The following DEPTOR variants were observed in gnomAD, a reference collection of about 807,000 sequenced individuals.
DEPTOR encodes the protein DEP domain-containing mTOR-interacting protein.
In DEPTOR, 41 loss-of-function variants were observed where a neutral mutation model predicts 41.6. The ratio of observed to expected loss-of-function variants is 0.98; its 90% CI spans 0.77 to 1.28. The LOEUF is 1.28. Among genes scored for constraint, DEPTOR ranks in the 50% most tolerant of loss-of-function variants. The pLI is 0.00. For missense variants in DEPTOR, 514 were observed against 527.9 expected (o/e 0.97, Z 0.26); for synonymous variants, 195 against 192.3 (o/e 1.01, Z -0.12).
At chr8:119,942,923 C>T (rs1828222287) in intron 3 of DEPTOR, among the ~76,000 whole-genome samples, 1 of 152,206 alleles carries the variant, frequency 6.6e-6, no homozygotes, top group Non-Finnish European at 1.5e-5. Flanking sequence ...AAATGCAATG[C>T]ATGTAGTCTA....
In DEPTOR at chr8:120,018,852, G is replaced by T. The variant is rs74721525; in HGVS notation, c.1101+9719G>T. Among the ~76,000 whole-genome samples the T allele has an allele frequency of 6.4e-4, 98 of 152,268 alleles. 1 individual carries two copies. Among genetic ancestry groups the T allele is most frequent in the Admixed American group, 2.0e-3 (31 of 15,294 alleles). ...CTGCTCTGTGTCCTTCCTTTGCAGG[G>T]ATTCTTCTGTGCCAGGCTCTGATGC... On this transcript the variant is annotated intron_variant, in intron 8 of 8. Transcript: ENST00000286234.
intron 1 of DEPTOR, among the ~76,000 whole-genome samples, chr8:119,925,112 G>A (rs1268459054): frequency 6.6e-6 from 1 of 152,176 alleles, no homozygotes. Context: ...CATCAAGGCT[G>A]AGTGTGGTGG....
intron 8 of DEPTOR, among the ~76,000 whole-genome samples, chr8:120,046,720 G>T (rs1431361289): frequency 6.6e-6 from 1 of 151,992 alleles, no homozygotes; most frequent in Non-Finnish European, 1.5e-5. Context: ...AGGATTACAG[G>T]CATGTGCCAC....
At chr8:119,939,300 G>A (rs113971458) in intron 3 of DEPTOR, among the ~76,000 whole-genome samples, 2,316 of 152,236 alleles carry the variant, frequency 0.015, 62 homozygotes, top group African/African-American at 0.053. Context: ...GGGAAGGGCC[G>A]TCTCAGGAGG....
chr8:119,948,799 T>A (rs372497967), intron 3 of DEPTOR, among the ~76,000 whole-genome samples: 19 of 152,142 alleles, frequency 1.2e-4, no homozygotes, highest in South Asian at 4.1e-4. Flanking sequence ...TTATTTATTT[T>A]TTTTTGAGAC....
At chr8:119,875,890 G>C (rs1827225981) in intron 1 of DEPTOR, among the ~76,000 whole-genome samples, 1 of 152,134 alleles carries the variant, frequency 6.6e-6, no homozygotes, top group Admixed American at 6.6e-5. Flanking sequence ...GTAAAATGGG[G>C]GAATTGTAAG....
rs990312315 is a variant in DEPTOR at position 120,030,329 on chromosome 8, A to G, written c.1102-19247A>G. The stretch of plus-strand genomic sequence containing the variant: ...TGTATTAAAAGAAATTACTAAAAAA[A>G]GTACCTGTTTGAATGTTTAGGGCAG... On this transcript the variant is annotated intron_variant, in intron 8 of 8. Transcript: ENST00000286234. Among the ~76,000 whole-genome samples, 4 of 151,972 alleles carry G rather than the reference A, an allele frequency of 2.6e-5. No individual in the cohort carries two copies. In the East Asian group the frequency reaches 7.7e-4, roughly 29 times the overall value.
intron 1 of DEPTOR, among the ~76,000 whole-genome samples, chr8:119,878,564 T>G (rs958307695): frequency 3.3e-5 from 5 of 151,684 alleles, no homozygotes; most frequent in Admixed American, 1.3e-4. Context: ...CTTGACCTCG[T>G]GATCCGCCCG....
intron 4 of DEPTOR, among the ~76,000 whole-genome samples, chr8:119,970,541 T>G (rs1387011047): frequency 1.3e-5 from 2 of 152,192 alleles, no homozygotes; most frequent in African/African-American, 4.8e-5. Flanking sequence ...TAGATGCGGC[T>G]TTTTCACCTA....
At position 119,929,906 on chromosome 8, in the gene DEPTOR, G is replaced by T. The variant is rs1207356130; in HGVS notation, c.393G>T (p.Lys131Asn). Residue 131 changes from lysine to asparagine, a missense_variant, in exon 3 of 9, where the codon AAG becomes AAT. Lys to Asn is a moderately conservative substitution (Grantham distance 94). Coordinates refer to ENST00000286234, the MANE Select transcript of DEPTOR (RefSeq NM_022783.4). ...DGTFPLDNEV[K>N]AFMRGQRLYE... ...CCTTCCCATTGGATAATGAAGTGAAGGCCTTTATGAGAGGACAGAGGCTAT... is the reference window on the plus strand; with the variant it reads ...CCTTCCCATTGGATAATGAAGTGAATGCCTTTATGAGAGGACAGAGGCTAT... The T allele has an allele frequency of 3.1e-6, 5 of 1,613,728 alleles. No homozygotes were observed. Among genetic ancestry groups the T allele is most frequent in the Non-Finnish European group, 4.2e-6 (5 of 1,179,774 alleles).
intron 8 of DEPTOR, among the ~76,000 whole-genome samples, chr8:120,034,292 C>T (rs1322568455): frequency 7.4e-6 from 1 of 135,894 alleles, no homozygotes; most frequent in African/African-American, 2.7e-5. Flanking sequence ...CACACACACA[C>T]ACACACATTG....
chr8:119,963,134 G>A lies in DEPTOR; in HGVS notation c.426-2098G>A, dbSNP rs527974813. On this transcript the variant is annotated intron_variant, in intron 3 of 8. Coordinates refer to ENST00000286234, the MANE Select transcript of DEPTOR (RefSeq NM_022783.4). The stretch of plus-strand genomic sequence containing the variant: ...TGGATAGTAATCGAAGACAGGAAAT[G>A]GAGGAGCTCACTAGAGAGACTATGG... 2.0e-5 allele frequency among the ~76,000 whole-genome samples: 3 copies of A among 152,284 alleles called. No homozygotes were observed. In the South Asian group the frequency reaches 6.2e-4, roughly 32 times the overall value.
At chr8:120,001,158 T>TGGG (rs1421312358) in intron 4 of DEPTOR, among the ~76,000 whole-genome samples, 2 of 151,868 alleles carry the variant, frequency 1.3e-5, no homozygotes, top group East Asian at 3.9e-4. Context: ...AGTGAAGCCA[T>TGGG]GATCACTGCC....
chr8:119,921,383 T>G (rs770943797), intron 1 of DEPTOR, among the ~76,000 whole-genome samples: 2 of 152,226 alleles, frequency 1.3e-5, no homozygotes, highest in Non-Finnish European at 2.9e-5. Flanking sequence ...GTGAAAATTT[T>G]TATCTCTTTA....
intron 4 of DEPTOR, among the ~76,000 whole-genome samples, chr8:119,974,785 G>T (rs370591684): frequency 6.6e-5 from 10 of 151,454 alleles, no homozygotes; most frequent in African/African-American, 2.2e-4. Flanking sequence ...AAAAAAAGGT[G>T]GGGGGGTGGG....
At chr8:119,985,749 A>G (rs559269568) in intron 4 of DEPTOR, among the ~76,000 whole-genome samples, 12 of 150,254 alleles carry the variant, frequency 8.0e-5, no homozygotes, top group African/African-American at 2.5e-4. Flanking sequence ...ACCATTATGT[A>G]ATGCCCTTCT....
intron 1 of DEPTOR, among the ~76,000 whole-genome samples, chr8:119,875,131 A>G (rs1341795870): frequency 6.6e-5 from 10 of 152,326 alleles, no homozygotes; most frequent in Admixed American, 3.3e-4. Flanking sequence ...TCAGAATTAA[A>G]GGGAATAAAA....
At chr8:119,879,291 A>G (rs1416432194) in intron 1 of DEPTOR, among the ~76,000 whole-genome samples, 1 of 152,212 alleles carries the variant, frequency 6.6e-6, no homozygotes, top group Non-Finnish European at 1.5e-5. Flanking sequence ...CAGCTCCTCA[A>G]ATATTAAACA....
chr8:120,018,682 G>A (rs1314336073), intron 8 of DEPTOR, among the ~76,000 whole-genome samples: 2 of 152,204 alleles, frequency 1.3e-5, no homozygotes, highest in Admixed American at 6.5e-5. Flanking sequence ...TTGCAGAGTT[G>A]TAGCTTCTCA....
Sources: allele counts gnomAD v4.1 joint callset (sites outside exome capture counted in the v4.1 genomes callset), GRCh38; gene constraint gnomAD v4.1.1; transcripts MANE v1.5; gene names NCBI Gene and HGNC (gene_info 2026-07-23, HGNC 2026-07-21).